Variants in COL4A3 observed in about 807,000 individuals in gnomAD.
COL4A3 encodes the protein collagen type IV alpha 3 chain.
In COL4A3, 135 loss-of-function variants were observed where a neutral mutation model predicts 217.4. The ratio of observed to expected loss-of-function variants is 0.62; its 90% CI spans 0.54 to 0.72. COL4A3 has a LOEUF of 0.72. COL4A3 is among the 30% of genes least tolerant of loss of function. COL4A3 has a pLI of 0.00. For missense variants in COL4A3, 1,868 were observed against 2,119.9 expected (o/e 0.88, Z 2.33); for synonymous variants, 690 against 736.3 (o/e 0.94, Z 1.02).
intron 1 of COL4A3, among the ~76,000 whole-genome samples, chr2:227,229,530 A>C (rs1277969371): frequency 1.3e-5 from 2 of 152,198 alleles, no homozygotes; most frequent in African/African-American, 4.8e-5. Flanking sequence ...AATGTCAGGG[A>C]GGAAGGTGGC....
At chr2:227,288,943 T>C (rs1045498284) in intron 34 of COL4A3, among the ~76,000 whole-genome samples, 1 of 140,918 alleles carries the variant, frequency 7.1e-6, no homozygotes, top group African/African-American at 2.6e-5. Context: ...CCTGGTTTTT[T>C]GTTTTGGGTT....
chr2:227,284,438 C>A, intron 34 of COL4A3, 93 bp downstream of exon 34: 1 of 1,386,534 alleles, frequency 7.2e-7, no homozygotes, highest in Non-Finnish European at 1.0e-6. Flanking sequence ...CAAATAAGGA[C>A]AGTGAGGGCC....
chr2:227,185,122 A>G (rs112353516), intron 1 of COL4A3, among the ~76,000 whole-genome samples: 27,791 of 151,840 alleles, frequency 0.18, 2,714 homozygotes, highest in Admixed American at 0.26. Flanking sequence ...GGATGGTCTC[A>G]ATCTTCTGAC....
intron 24 of COL4A3, 141 bp downstream of exon 24, chr2:227,270,121 C>G (rs1442670410): frequency 4.4e-6 from 3 of 689,566 alleles, no homozygotes; most frequent in Non-Finnish European, 7.9e-6. Context: ...ATGAATAAAT[C>G]TGTGACTGAT....
chr2:227,254,753 T>A, intron 15 of COL4A3, 38 bp downstream of exon 15: 1 of 1,458,966 alleles, frequency 6.9e-7, no homozygotes, highest in Non-Finnish European at 9.6e-7. Context: ...CAGTTTTGAT[T>A]AGTCAGGACT....
In COL4A3 at chr2:227,246,015, A is replaced by C. The variant is rs886055737; in HGVS notation, c.386A>C (p.Lys129Thr). 1.2e-6 allele frequency: 2 copies of C among 1,610,586 alleles called. No individual in the cohort carries two copies. The highest frequency in any genetic ancestry group is 2.2e-5 in the South Asian group (2 of 91,018). The change falls in exon 6 of 52, where the codon AAG (lysine) becomes ACG (threonine). Residue 129 changes from lysine to threonine, a missense_variant and splice_region_variant. Transcript: ENST00000396578. Reference protein sequence around the residue: ...LVGVPGCSGSKGEQGFPGLPG... With the variant: ...LVGVPGCSGSTGEQGFPGLPG... ...GGTGTACCAGGATGCAGTGGTTCTA[A>C]GGTAAGTACTTTTCACACAGAAGAT...
At chr2:227,218,417 G>A (rs909913861) in intron 1 of COL4A3, among the ~76,000 whole-genome samples, 4 of 152,144 alleles carry the variant, frequency 2.6e-5, no homozygotes, top group Non-Finnish European at 5.9e-5. Flanking sequence ...AGTGAGTGGA[G>A]ATTGTGCCAC....
intron 26 of COL4A3, among the ~76,000 whole-genome samples, chr2:227,273,896 C>G (rs1424431185): frequency 6.6e-6 from 1 of 152,154 alleles, no homozygotes; most frequent in Non-Finnish European, 1.5e-5. Context: ...TAGCATGCTA[C>G]TGATAGTTTT....
intron 1 of COL4A3, among the ~76,000 whole-genome samples, chr2:227,214,453 G>T (rs2067450599): frequency 6.6e-6 from 1 of 152,298 alleles, no homozygotes; most frequent in South Asian, 2.1e-4. Flanking sequence ...CGTGTTGTTT[G>T]TATCTTAAAC....
chr2:227,222,183 G>T (rs1332638515), intron 1 of COL4A3, among the ~76,000 whole-genome samples: 1 of 144,696 alleles, frequency 6.9e-6, no homozygotes, highest in Non-Finnish European at 1.5e-5. Flanking sequence ...ATAATAAAAA[G>T]CTCCTTAAGC....
Position 227,254,553 on chromosome 2 carries a change from G to GTTTT in COL4A3, c.829-101_829-98dup, listed in dbSNP as rs2070028178. 15 of 937,412 alleles carry GTTTT rather than the reference G, an allele frequency of 1.6e-5. No individual in the cohort carries two copies. The South Asian group carries it at 1.8e-4, about 11-fold the overall frequency. The allele number at this position is 937,412 out of a possible 1,614,324, so 58.1% of individuals were successfully genotyped here. A position where few individuals can be genotyped will look rare whatever the true frequency, so the allele number is the denominator to read the frequency against. The stretch of plus-strand genomic sequence containing the variant: ...CTTAGATGGCTCAGCACTGAAACAT[G>GTTTT]TTTTTAAATGGCAGAATAACCAAAA... On this transcript the variant is annotated intron_variant, in intron 14 of 51. Coordinates refer to ENST00000396578, the MANE Select transcript of COL4A3 (RefSeq NM_000091.5).
intron 18 of COL4A3, 22 bp from the exon 19 acceptor site, chr2:227,259,771 A>G (rs1235501680): frequency 6.5e-7 from 1 of 1,528,812 alleles, no homozygotes; most frequent in South Asian, 1.1e-5. Flanking sequence ...CTTTCTCTGT[A>G]TTTGTTTCTT....
chr2:227,208,017 C>T (rs983533745), intron 1 of COL4A3, among the ~76,000 whole-genome samples: 1 of 151,718 alleles, frequency 6.6e-6, no homozygotes, highest in African/African-American at 2.4e-5. Context: ...TCTCTCCCCC[C>T]GCCCCCCCAC....
intron 1 of COL4A3, among the ~76,000 whole-genome samples, chr2:227,177,769 C>A (rs1226982729): frequency 6.6e-6 from 1 of 152,200 alleles, no homozygotes; most frequent in Non-Finnish European, 1.5e-5. Context: ...GAATCATCCC[C>A]TTTTCCAGCA....
At chr2:227,292,276 A>G (rs953494980) in intron 37 of COL4A3, among the ~76,000 whole-genome samples, 1 of 152,220 alleles carries the variant, frequency 6.6e-6, no homozygotes, top group African/African-American at 2.4e-5. Flanking sequence ...CAGACCCAAG[A>G]AAGCAACTGT....
At chr2:227,294,919 G>T (rs773056556) in intron 39 of COL4A3, 45 bp from the exon 40 acceptor site, 146 of 1,424,090 alleles carry the variant, frequency 1.0e-4, no homozygotes, top group Non-Finnish European at 1.1e-4. Flanking sequence ...TCCTCTTTTT[G>T]TATACCATAG....
At position 227,282,604 on chromosome 2, in the gene COL4A3, T is replaced by C. The variant is rs1451456720; in HGVS notation, c.2656+72T>C. 28 of 1,345,574 alleles carry C rather than the reference T, an allele frequency of 2.1e-5. No homozygotes were observed. Among genetic ancestry groups the C allele is most frequent in the Admixed American group, 8.4e-5 (5 of 59,280 alleles). The allele number at this position is 1,345,574 out of a possible 1,614,324, so 83.4% of individuals were successfully genotyped here. A position where few individuals can be genotyped will look rare whatever the true frequency, so the allele number is the denominator to read the frequency against. ...TTAAGGTGGCTCTGTCAACTGTACA[T>C]AGGCATACGCTTTTTACTCTATGCT... On this transcript the variant is annotated intron_variant, in intron 32 of 51. Coordinates refer to ENST00000396578, the MANE Select transcript of COL4A3 (RefSeq NM_000091.5). This position sits in a 1 kb window ranked among gnomAD's most constrained non-coding sequence, Gnocchi z 4.4.
Position 227,304,161 on chromosome 2 carries a change from A to G in COL4A3, c.4153+17A>G, listed in dbSNP as rs369928977. On this transcript the variant is annotated intron_variant, in intron 46 of 51. Coordinates refer to ENST00000396578, the MANE Select transcript of COL4A3 (RefSeq NM_000091.5). ...GAAACCTAGGTGTGGGACTGGCAGC[A>G]TTGACTTGGATCACTAGGAAGTGGT... 6.2e-6 allele frequency: 10 copies of G among 1,613,436 alleles called. No homozygotes were observed. The African/African-American group carries it at 1.3e-4, about 22-fold the overall frequency.
chr2:227,198,240 T>C (rs545174903), intron 1 of COL4A3, among the ~76,000 whole-genome samples: 2 of 152,320 alleles, frequency 1.3e-5, no homozygotes, highest in South Asian at 4.1e-4. Context: ...ACTCGTGCCA[T>C]TGAAACCAAA....
Sources: allele counts gnomAD v4.1 joint callset (sites outside exome capture counted in the v4.1 genomes callset), GRCh38; gene constraint gnomAD v4.1.1; non-coding constraint Gnocchi (gnomAD v3.1); transcripts MANE v1.5; gene names NCBI Gene and HGNC (gene_info 2026-07-23, HGNC 2026-07-21).